The following CBLN2 variants were observed in gnomAD, a reference collection of about 807,000 sequenced individuals.
CBLN2 encodes cerebellin 2 precursor, also known as cerebellin-2.
A neutral mutation model predicts 15.0 loss-of-function variants in CBLN2; 7 were observed. That is an observed-to-expected ratio of 0.47 (90% CI 0.27 to 0.88). The LOEUF is 0.88. CBLN2 is among the 40% of genes least tolerant of loss of function. The pLI, the probability that CBLN2 is intolerant of heterozygous loss-of-function variation, is 0.14. For missense variants in CBLN2, 242 were observed against 304.5 expected (o/e 0.79, Z 1.53); for synonymous variants, 149 against 135.2 (o/e 1.10, Z -0.71).
intron 1 of CBLN2, among the ~76,000 whole-genome samples, chr18:72,556,853 G>A (rs995021523): frequency 6.6e-6 from 1 of 151,798 alleles, no homozygotes; most frequent in African/African-American, 2.4e-5. Context: ...AGAAGCAGGG[G>A]TCAGGAAAAA....
intron 1 of CBLN2, among the ~76,000 whole-genome samples, chr18:72,585,295 G>A (rs770900072): frequency 1.3e-5 from 2 of 152,186 alleles, no homozygotes; most frequent in Non-Finnish European, 2.9e-5. Context: ...AATTTGGCAG[G>A]TCCTGAGTTC....
intron 1 of CBLN2, among the ~76,000 whole-genome samples, chr18:72,576,727 T>A (rs909504904): frequency 7.2e-5 from 11 of 151,948 alleles, no homozygotes; most frequent in African/African-American, 2.7e-4. Context: ...AAGGGTTTTT[T>A]AAAGGATATT....
At chr18:72,553,423 AACAG>A (rs2069203610) in intron 1 of CBLN2, among the ~76,000 whole-genome samples, 1 of 152,060 alleles carries the variant, frequency 6.6e-6, no homozygotes, top group East Asian at 1.9e-4. Flanking sequence ...TAAATATCCC[AACAG>A]ACAAAGGTTA....
At chr18:72,564,998 T>C (rs1165460263) in intron 1 of CBLN2, among the ~76,000 whole-genome samples, 2 of 152,136 alleles carry the variant, frequency 1.3e-5, no homozygotes, top group Admixed American at 1.3e-4. Context: ...ACATAAAGTG[T>C]TGTGAGAAAA....
At chr18:72,624,932 G>A (rs140574934) in intron 1 of CBLN2, among the ~76,000 whole-genome samples, 9 of 152,204 alleles carry the variant, frequency 5.9e-5, no homozygotes, top group Non-Finnish European at 1.0e-4. Flanking sequence ...CCAATGTATG[G>A]GGCAAATGAT....
chr18:72,591,576 A>G (rs2069480067), intron 1 of CBLN2, among the ~76,000 whole-genome samples: 1 of 152,132 alleles, frequency 6.6e-6, no homozygotes, highest in Non-Finnish European at 1.5e-5. Context: ...CCATTGTGCT[A>G]TCAACTACTA....
intron 1 of CBLN2, among the ~76,000 whole-genome samples, chr18:72,592,875 T>C (rs2069489100): frequency 6.6e-6 from 1 of 152,164 alleles, no homozygotes; most frequent in Admixed American, 6.5e-5. Context: ...ACTACCGTGT[T>C]GTTTTGGTTA....
intron 1 of CBLN2, among the ~76,000 whole-genome samples, chr18:72,617,132 A>T (rs913269386): frequency 1.3e-5 from 2 of 152,218 alleles, no homozygotes; most frequent in Non-Finnish European, 2.9e-5. Flanking sequence ...AAACTCACAC[A>T]TCTTAATACA....
intron 1 of CBLN2, among the ~76,000 whole-genome samples, chr18:72,568,598 A>G (rs1268719540): frequency 1.3e-5 from 2 of 152,130 alleles, no homozygotes; most frequent in Non-Finnish European, 2.9e-5. Flanking sequence ...AACTAAAAAA[A>G]TAAAATATTA....
At position 72,537,205 on chromosome 18, in the gene CBLN2, C is replaced by G. The variant is rs759783764; in HGVS notation, c.*971G>C. The G allele has an allele frequency of 4.6e-5, 7 of 151,818 alleles. No individual in the cohort carries two copies. Among genetic ancestry groups the G allele is most frequent in the Non-Finnish European group, 1.0e-4 (7 of 67,982 alleles). The allele number at this position is 151,818 out of a possible 1,614,324, so 9.4% of individuals were successfully genotyped here. ...CATTACCAACTTATATGATTCAGGACCACTCAGGAACACCAGGTTCTTAAA... is the reference window on the plus strand; with the variant it reads ...CATTACCAACTTATATGATTCAGGAGCACTCAGGAACACCAGGTTCTTAAA... On this transcript the variant is annotated 3_prime_UTR_variant, in exon 5 of 5. Transcript: ENST00000269503.
At chr18:72,623,086 A>G (rs914995511) in intron 1 of CBLN2, among the ~76,000 whole-genome samples, 1 of 152,150 alleles carries the variant, frequency 6.6e-6, no homozygotes. Flanking sequence ...CAGGAGCAGG[A>G]GGAAGAGAGC....
chr18:72,615,226 A>G lies in CBLN2; in HGVS notation c.15+23099T>C, dbSNP rs544277921. Among the ~76,000 whole-genome samples, 1,314 of 137,488 alleles carry G rather than the reference A, an allele frequency of 9.6e-3. 26 individuals carry two copies. The highest frequency in any genetic ancestry group is 0.033 in the African/African-American group (1,217 of 36,646). 90.2% of individuals were successfully genotyped at this position (137,488 alleles called of 152,430 possible). A position where few individuals can be genotyped will look rare whatever the true frequency, so the allele number is the denominator to read the frequency against. On this transcript the variant is annotated intron_variant, in intron 1 of 2. Coordinates refer to the CBLN2 transcript ENST00000581073. Reference sequence around the variant, plus strand: ...TTTATATATGTGTATATATATGTACATATATATTATATATATAAATATATA... The same window carrying G: ...TTTATATATGTGTATATATATGTACGTATATATTATATATATAAATATATA...
intron 1 of CBLN2, among the ~76,000 whole-genome samples, chr18:72,553,007 T>C (rs1443065024): frequency 6.6e-6 from 1 of 152,198 alleles, no homozygotes; most frequent in Non-Finnish European, 1.5e-5. Flanking sequence ...TGCCTTACTT[T>C]GGAAATATTT....
chr18:72,620,671 A>G (rs940297928), intron 1 of CBLN2: 16 of 152,076 alleles, frequency 1.1e-4, no homozygotes, highest in African/African-American at 3.9e-4. Flanking sequence ...GGGTTTCAGG[A>G]TTTTCTGCTA....
rs775697544 is a variant in CBLN2, at chr18:72,542,186, G to C, written c.-26C>G. On this transcript the variant is annotated 5_prime_UTR_variant, in exon 3 of 5. Transcript: ENST00000269503. ...CGGGACTGGTGGGAGGCGGCGCGCG[G>C]GGGTGGAGGCCGGCGCCGGCGCGAG... The C allele has an allele frequency of 8.1e-5, 97 of 1,204,696 alleles. No individual in the cohort carries two copies. The highest frequency in any genetic ancestry group is 9.5e-5 in the Non-Finnish European group (92 of 972,102). The allele number at this position is 1,204,696 out of a possible 1,614,324, so 74.6% of individuals were successfully genotyped here. A position where few individuals can be genotyped will look rare whatever the true frequency, so the allele number is the denominator to read the frequency against.
intron 1 of CBLN2, among the ~76,000 whole-genome samples, chr18:72,553,847 A>T (rs930489550): frequency 2.0e-5 from 3 of 152,230 alleles, no homozygotes; most frequent in African/African-American, 7.2e-5. Context: ...GATTGATGTT[A>T]TAAACTCTGA....
At chr18:72,541,576 C>T (rs1417763607) in intron 3 of CBLN2, among the ~76,000 whole-genome samples, 1 of 152,202 alleles carries the variant, frequency 6.6e-6, no homozygotes, top group Non-Finnish European at 1.5e-5. Context: ...CTCAGTCATC[C>T]AAGTGCCAAG....
Position 72,541,846 on chromosome 18 carries a change from C to G in CBLN2, c.315G>C (p.Pro105=). The G allele has an allele frequency of 1.3e-6, 2 of 1,592,014 alleles. No individual in the cohort carries two copies. The highest frequency in any genetic ancestry group is 1.4e-5 in the African/African-American group (1 of 74,026). The change falls in exon 3 of 5, where the codon CCG becomes CCC. Residue 105 remains proline (P), a synonymous_variant. Transcript: ENST00000269503. ...TCATGGTGCGGTTGCTCATCTCGGA[C>G]GGCTCGTGGTTGGTGCTCCGCGTGG... is the stretch of plus-strand genomic sequence containing the variant. The part of the protein sequence containing the change: ...FSATRSTNHE[P]SEMSNRTMTI...
chr18:72,562,443 C>T (rs1016815038), intron 1 of CBLN2, among the ~76,000 whole-genome samples: 4 of 152,126 alleles, frequency 2.6e-5, no homozygotes, highest in Non-Finnish European at 5.9e-5. Context: ...AATGTTTTCT[C>T]TCCTCCAGAG....
Sources: allele counts gnomAD v4.1 joint callset (sites outside exome capture counted in the v4.1 genomes callset), GRCh38; gene constraint gnomAD v4.1.1; transcripts MANE v1.5; gene names NCBI Gene and HGNC (gene_info 2026-07-23, HGNC 2026-07-21).